The following C6orf89 variants were observed in gnomAD, a reference collection of about 807,000 sequenced individuals.
The protein encoded by C6orf89 is chromosome 6 open reading frame 89.
C6orf89 carries 29 observed loss-of-function variants against 40.7 expected under a neutral mutation model. The observed-to-expected ratio is 0.71, with a 90% CI of 0.53 to 0.97. The LOEUF (loss-of-function observed/expected upper bound fraction) is 0.97, where lower values mean the gene tolerates loss of function less well. C6orf89 is among the 50% of genes least tolerant of loss of function. The pLI is 0.00. For missense variants in C6orf89, 392 were observed against 429.1 expected, an observed-to-expected ratio of 0.91 and a Z score of 0.76; for synonymous variants, 165 against 152.2, an observed-to-expected ratio of 1.08 and a Z score of -0.62.
chr6:36,903,912 T>A (rs569970678), intron 4 of C6orf89, among the ~76,000 whole-genome samples: 34 of 152,162 alleles, frequency 2.2e-4, no homozygotes, highest in African/African-American at 2.4e-5. Context: ...TGTAACTTCC[T>A]TGTATTTATT....
intron 4 of C6orf89, among the ~76,000 whole-genome samples, chr6:36,909,263 T>C (rs1000643224): frequency 4.0e-5 from 6 of 151,816 alleles, no homozygotes; most frequent in Admixed American, 2.0e-4. Context: ...ACTTTTTTTC[T>C]GTAAGATATA....
chr6:36,888,225 T>C (rs1775066836), intron 1 of C6orf89, among the ~76,000 whole-genome samples: 1 of 152,246 alleles, frequency 6.6e-6, no homozygotes, highest in African/African-American at 2.4e-5. Context: ...ATCTAGAATT[T>C]GCATCCAGCT....
intron 2 of C6orf89, 73 bp from the exon 3 acceptor site, chr6:36,899,353 A>G (rs1761571571): frequency 3.6e-6 from 5 of 1,388,578 alleles, no homozygotes; most frequent in Non-Finnish European, 5.1e-6. Flanking sequence ...CAGATGGTCA[A>G]GTAGCTTTGA....
intron 4 of C6orf89, among the ~76,000 whole-genome samples, chr6:36,913,315 GC>G (rs2150708347): frequency 6.6e-6 from 1 of 152,306 alleles, no homozygotes; most frequent in East Asian, 1.9e-4. Flanking sequence ...ATGGCTGGCG[GC>G]CCCACCCCCT....
chr6:36,911,754 G>A (rs1252954863), intron 4 of C6orf89, among the ~76,000 whole-genome samples: 2 of 152,056 alleles, frequency 1.3e-5, no homozygotes, highest in Non-Finnish European at 2.9e-5. Flanking sequence ...TAATGACATA[G>A]GTGATACCAG....
At position 36,892,550 on chromosome 6, in the gene C6orf89, A is replaced by G. The variant is rs148561239; in HGVS notation, c.-119-1954A>G. ...TCAAAAATGTCTTCAGACATTGCCA[A>G]ATGTCCCCTTTGGAGCAGAATTACC... On this transcript the variant is annotated intron_variant, in intron 1 of 8. Coordinates refer to ENST00000480824, the MANE Select transcript of C6orf89 (RefSeq NM_001286635.2). 6.7e-4 allele frequency among the ~76,000 whole-genome samples: 102 copies of G among 152,252 alleles called. 3 individuals are homozygous for G. In the East Asian group the frequency reaches 0.018, roughly 26 times the overall value.
At chr6:36,906,934 A>T (rs947642167) in intron 4 of C6orf89, among the ~76,000 whole-genome samples, 1 of 152,140 alleles carries the variant, frequency 6.6e-6, no homozygotes, top group African/African-American at 2.4e-5. Context: ...TTTAATCTTT[A>T]TTTTGAGGTT....
chr6:36,890,318 C>A lies in C6orf89; in HGVS notation c.-119-4186C>A, dbSNP rs545014778. 3.8e-3 allele frequency among the ~76,000 whole-genome samples: 578 copies of A among 152,278 alleles called. 6 individuals are homozygous for A. Among genetic ancestry groups the A allele is most frequent in the African/African-American group, 0.013 (554 of 41,546 alleles). On this transcript the variant is annotated intron_variant, in intron 1 of 8. Transcript: ENST00000480824. The stretch of plus-strand genomic sequence containing the variant: ...CCTCCCTGTTTCCCCCTGCCTGCAG[C>A]CTCCTGCAACCACCATTCTGTTCTT...
At chr6:36,896,781 T>C (rs1761444974) in intron 2 of C6orf89, among the ~76,000 whole-genome samples, 1 of 152,114 alleles carries the variant, frequency 6.6e-6, no homozygotes, top group South Asian at 2.1e-4. Flanking sequence ...GTTTTATCAT[T>C]TTAGCTTATA....
chr6:36,923,925 C>T lies in C6orf89; in HGVS notation c.*484C>T, dbSNP rs1762598642. 4.8e-6 allele frequency: 1 copy of T among 207,370 alleles called. No individual in the cohort carries two copies. Among genetic ancestry groups the T allele is most frequent in the African/African-American group, 2.3e-5 (1 of 43,446 alleles). 12.8% of individuals were successfully genotyped at this position (207,370 alleles called of 1,614,324 possible). Reference sequence around the variant, plus strand: ...AAGGCCATGGCTGATTAAAGAAGTTCTTGTAGTTTCCCAAGCAAAGTGGAA... The same window carrying T: ...AAGGCCATGGCTGATTAAAGAAGTTTTTGTAGTTTCCCAAGCAAAGTGGAA... On this transcript the variant is annotated 3_prime_UTR_variant, in exon 9 of 9. Transcript: ENST00000480824.
chr6:36,911,128 C>T (rs1211605137), intron 4 of C6orf89, among the ~76,000 whole-genome samples: 3 of 152,066 alleles, frequency 2.0e-5, no homozygotes, highest in African/African-American at 7.2e-5. Context: ...CTTCTACCTG[C>T]TTTTTAAAGG....
At chr6:36,903,162 G>A (rs1221980492) in intron 4 of C6orf89, among the ~76,000 whole-genome samples, 1 of 152,090 alleles carries the variant, frequency 6.6e-6, no homozygotes, top group Admixed American at 6.6e-5. Flanking sequence ...GAGGCAAAAG[G>A]ATTGGTTGAG....
At chr6:36,903,562 C>T (rs1266873606) in intron 4 of C6orf89, among the ~76,000 whole-genome samples, 1 of 152,018 alleles carries the variant, frequency 6.6e-6, no homozygotes, top group East Asian at 1.9e-4. Context: ...TGGGTTCACG[C>T]CATTCTCCTG....
chr6:36,908,055 G>A (rs1306334364), intron 4 of C6orf89, among the ~76,000 whole-genome samples: 1 of 152,188 alleles, frequency 6.6e-6, no homozygotes, highest in African/African-American at 2.4e-5. Context: ...GAGAGGAAGA[G>A]GAGCCTGCAC....
rs1163360345 is a variant in C6orf89 at position 36,901,369 on chromosome 6, C to G, written c.190-852C>G. 9.2e-5 allele frequency among the ~76,000 whole-genome samples: 10 copies of G among 108,460 alleles called. 1 individual carries two copies. The East Asian group carries it at 2.9e-3, about 32-fold the overall frequency. The allele number at this position is 108,460 out of a possible 152,430, so 71.2% of individuals were successfully genotyped here. A position where few individuals can be genotyped will look rare whatever the true frequency, so the allele number is the denominator to read the frequency against. ...TTTTTTTTTGAGATGCAGTCTCACT[C>G]TGTTGCCCAGGCTAGAGTGCAGTGG... On this transcript the variant is annotated intron_variant, in intron 3 of 8. Coordinates refer to ENST00000480824, the MANE Select transcript of C6orf89 (RefSeq NM_001286635.2).
At chr6:36,920,992 T>G (rs1762490485) in intron 8 of C6orf89, among the ~76,000 whole-genome samples, 1 of 150,712 alleles carries the variant, frequency 6.6e-6, no homozygotes, top group African/African-American at 2.5e-5. Flanking sequence ...AAAAAAAAAG[T>G]CTGGCAGTGA....
intron 1 of C6orf89, among the ~76,000 whole-genome samples, chr6:36,891,787 T>C (rs2150681554): frequency 6.6e-6 from 1 of 152,362 alleles, no homozygotes; most frequent in East Asian, 1.9e-4. Context: ...GGGATGTATC[T>C]TGATGGACTT....
chr6:36,906,154 G>A (rs2150700104), intron 4 of C6orf89, among the ~76,000 whole-genome samples: 1 of 152,322 alleles, frequency 6.6e-6, no homozygotes, highest in East Asian at 1.9e-4. Flanking sequence ...GGATGAAGTA[G>A]ATCCAGCAAC....
Position 36,886,011 on chromosome 6 carries a change from G to GT in C6orf89, c.-137_-136insT. 9.0e-7 allele frequency: 1 copy of GT among 1,105,830 alleles called. No individual in the cohort carries two copies. Among genetic ancestry groups the GT allele is most frequent in the Non-Finnish European group, 1.1e-6 (1 of 930,666 alleles). The allele number at this position is 1,105,830 out of a possible 1,614,324, so 68.5% of individuals were successfully genotyped here. On this transcript the variant is annotated 5_prime_UTR_variant, in exon 1 of 9. Transcript: ENST00000480824. ...TGTCCCCGAGGCGGGAGGAGCCCGA[G>GT]GGGCGCGAGCCCCGCATGTGAGTGA...
Sources: gnomAD v4.1 joint callset for allele counts (sites outside exome capture counted in the v4.1 genomes callset) on GRCh38, gnomAD v4.1.1 for gene constraint, MANE v1.5 for transcripts, NCBI Gene and HGNC (gene_info 2026-07-23, HGNC 2026-07-21) for gene names.